The following CAMKMT variants were observed in gnomAD, a reference collection of about 807,000 sequenced individuals.
The protein encoded by CAMKMT is calmodulin-lysine N-methyltransferase.
CAMKMT carries 53 observed loss-of-function variants against 48.0 expected under a neutral mutation model. The ratio of observed to expected loss-of-function variants is 1.10; its 90% confidence interval spans 0.89 to 1.39. CAMKMT has a LOEUF of 1.39. CAMKMT is among the 40% of genes most tolerant of loss of function. The probability of loss-of-function intolerance (pLI) is 0.00; values close to 1 mark genes in which losing one functional copy is unlikely to be tolerated. For synonymous variants in CAMKMT, 165 were observed against 152.3 expected (o/e 1.08, Z -0.61); for missense variants, 428 against 402.7 (o/e 1.06, Z -0.54).
At chr2:44,605,993 A>T (rs530995955) in intron 3 of CAMKMT, among the ~76,000 whole-genome samples, 1 of 152,300 alleles carries the variant, frequency 6.6e-6, no homozygotes, top group East Asian at 1.9e-4. Flanking sequence ...AATTCTATAT[A>T]GTTCATGAAC....
intron 3 of CAMKMT, among the ~76,000 whole-genome samples, chr2:44,555,202 G>A (rs1280625582): frequency 1.3e-5 from 2 of 152,194 alleles, no homozygotes; most frequent in African/African-American, 4.8e-5. Flanking sequence ...ATATTTTCAT[G>A]GAGGATGGAT....
intron 3 of CAMKMT, among the ~76,000 whole-genome samples, chr2:44,395,864 T>TTTTG (rs1427185759): frequency 1.3e-5 from 2 of 152,174 alleles, no homozygotes; most frequent in African/African-American, 4.8e-5. Flanking sequence ...TCATACATTA[T>TTTTG]TTTGTTATGT....
chr2:44,476,857 G>T (rs982676253), intron 3 of CAMKMT, among the ~76,000 whole-genome samples: 2 of 152,092 alleles, frequency 1.3e-5, no homozygotes, highest in Non-Finnish European at 2.9e-5. Flanking sequence ...CAAAGGATTG[G>T]TCTAAGGATC....
chr2:44,709,235 C>CTGA (rs1677738228), intron 6 of CAMKMT, among the ~76,000 whole-genome samples: 1 of 152,148 alleles, frequency 6.6e-6, no homozygotes, highest in Non-Finnish European at 1.5e-5. Flanking sequence ...AAGCTCAGCC[C>CTGA]TGAGAGTGCT....
intron 1 of CAMKMT, among the ~76,000 whole-genome samples, chr2:44,367,685 G>A (rs1465639374): frequency 6.6e-6 from 1 of 152,154 alleles, no homozygotes; most frequent in Non-Finnish European, 1.5e-5. Context: ...CTATTATCTG[G>A]AAGCTAAGTG....
rs531879064 is a variant in CAMKMT, at chr2:44,666,899, C to T, written c.377-37384C>T. ...CTGGGATTACAGGTGTGAGCTACCA[C>T]GCCCAGCTATGTTCTTAATTTGTTA... On this transcript the variant is annotated intron_variant, in intron 3 of 10. Coordinates refer to ENST00000378494, the MANE Select transcript of CAMKMT (RefSeq NM_024766.5). Among the ~76,000 whole-genome samples the T allele has an allele frequency of 7.2e-5, 11 of 152,330 alleles. No homozygotes were observed. The East Asian group carries it at 1.3e-3, about 19-fold the overall frequency.
rs192577320 is a variant in CAMKMT, at chr2:44,489,812, G to A, written c.376+99507G>A. The stretch of plus-strand genomic sequence containing the variant: ...ATGAAATTAAAAAAACACTTTCAAT[G>A]AGAACAGTGTTTTTATGTCTTATCC... On this transcript the variant is annotated intron_variant, in intron 3 of 10. Transcript: ENST00000378494. Among the ~76,000 whole-genome samples, 148 of 152,210 alleles carry A rather than the reference G, an allele frequency of 9.7e-4. 1 individual carries two copies. The highest frequency in any genetic ancestry group is 3.4e-3 in the African/African-American group (141 of 41,522).
chr2:44,485,715 ATAT>A (rs1391839499), intron 3 of CAMKMT, among the ~76,000 whole-genome samples: 2 of 152,326 alleles, frequency 1.3e-5, no homozygotes, highest in South Asian at 2.1e-4. Context: ...TAAAAAACTG[ATAT>A]TATAATCTGA....
chr2:44,748,379 G>C (rs578224734), intron 8 of CAMKMT, among the ~76,000 whole-genome samples: 58 of 152,058 alleles, frequency 3.8e-4, no homozygotes, highest in Non-Finnish European at 6.9e-4. Flanking sequence ...TTGAAGCTCA[G>C]TTCTTAAGGT....
chr2:44,456,812 A>G, intron 3 of CAMKMT: 1 of 503,608 alleles, frequency 2.0e-6, no homozygotes, highest in Non-Finnish European at 3.4e-6. Flanking sequence ...CTATTTTACG[A>G]TTTCTCCTTC....
intron 3 of CAMKMT, among the ~76,000 whole-genome samples, chr2:44,694,421 A>G (rs1271045538): frequency 6.6e-6 from 1 of 152,122 alleles, no homozygotes; most frequent in Non-Finnish European, 1.5e-5. Context: ...CAAAAATAGA[A>G]AAATTAGCTG....
intron 3 of CAMKMT, among the ~76,000 whole-genome samples, chr2:44,427,142 C>T (rs1248290001): frequency 4.6e-5 from 7 of 152,056 alleles, no homozygotes; most frequent in African/African-American, 1.7e-4. Context: ...TACCTCTGAC[C>T]ATATACAAAA....
intron 3 of CAMKMT, among the ~76,000 whole-genome samples, chr2:44,514,601 G>T (rs1041438668): frequency 9.2e-5 from 14 of 152,162 alleles, no homozygotes; most frequent in Non-Finnish European, 2.1e-4. Flanking sequence ...TGACAAGAAA[G>T]GCCAAGGAAG....
At chr2:44,405,951 A>C (rs1174854355) in intron 3 of CAMKMT, among the ~76,000 whole-genome samples, 1 of 152,184 alleles carries the variant, frequency 6.6e-6, no homozygotes, top group Non-Finnish European at 1.5e-5. Context: ...CCTAAACTTT[A>C]AGCCTTTTTG....
intron 6 of CAMKMT, among the ~76,000 whole-genome samples, chr2:44,711,099 G>C (rs781552511): frequency 2.6e-5 from 4 of 152,158 alleles, no homozygotes; most frequent in Non-Finnish European, 1.5e-5. Flanking sequence ...CGTGTGGGCT[G>C]TGCAGCCTGT....
At chr2:44,392,569 T>G (rs1194553885) in intron 3 of CAMKMT, among the ~76,000 whole-genome samples, 1 of 152,086 alleles carries the variant, frequency 6.6e-6, no homozygotes, top group African/African-American at 2.4e-5. Flanking sequence ...ATCATAATTC[T>G]TTGTCATAGC....
At chr2:44,694,361 C>T (rs990479817) in intron 3 of CAMKMT, among the ~76,000 whole-genome samples, 1 of 152,052 alleles carries the variant, frequency 6.6e-6, no homozygotes, top group Non-Finnish European at 1.5e-5. Flanking sequence ...ATCACTTGAG[C>T]CCAGGAGTTC....
chr2:44,722,176 C>CTTTTTTTTTTTTTTTTTTTTT (rs11323950), intron 7 of CAMKMT, among the ~76,000 whole-genome samples: 1 of 115,458 alleles, frequency 8.7e-6, no homozygotes, highest in Admixed American at 8.9e-5. Context: ...TTTCTTTTTT[C>CTTTTTTTTTTTTTTTTTTTTT]TTTTTTTTTT....
At chr2:44,683,831 A>AAAAAAAAAAAAAG (rs1188711541) in intron 3 of CAMKMT, among the ~76,000 whole-genome samples, 1 of 145,574 alleles carries the variant, frequency 6.9e-6, no homozygotes, top group African/African-American at 2.7e-5. Flanking sequence ...TCAAAAAAAA[A>AAAAAAAAAAAAAG]AAAAAAAAAA....
Sources: allele counts gnomAD v4.1 joint callset (sites outside exome capture counted in the v4.1 genomes callset), GRCh38; gene constraint gnomAD v4.1.1; transcripts MANE v1.5; gene names NCBI Gene and HGNC (gene_info 2026-07-23, HGNC 2026-07-21).